Variants in ZNF577 observed in about 807,000 individuals in gnomAD.
ZNF577 encodes zinc finger protein 577.
In ZNF577, 14 loss-of-function variants were observed where a neutral mutation model predicts 13.9. That is an observed-to-expected ratio of 1.00 (90% CI 0.66 to 1.57). The LOEUF is 1.57. ZNF577 is among the 40% of genes most tolerant of loss of function. The pLI, the probability that ZNF577 is intolerant of heterozygous loss-of-function variation, is 0.00. For synonymous variants in ZNF577, 203 were observed against 202.9 expected (o/e 1.00, Z 0.00); for missense variants, 555 against 579.2 (o/e 0.96, Z 0.43).
At chr19:51,874,483 G>A (rs2122671860) in intron 5 of ZNF577, among the ~76,000 whole-genome samples, 1 of 136,490 alleles carries the variant, frequency 7.3e-6, no homozygotes. Context: ...AAACTTAGGT[G>A]TGATAAAAAA....
Position 51,824,116 on chromosome 19 carries a change from G to T in ZNF577, c.*600-12442C>A, listed in dbSNP as rs779342164. Reference sequence around the variant, plus strand: ...CTGATCACCATCATTGCTCTGGACCGCTGTATTTGTGTCCTGCATCCAGCC... The same window carrying T: ...CTGATCACCATCATTGCTCTGGACCTCTGTATTTGTGTCCTGCATCCAGCC... On this transcript the variant is annotated intron_variant and NMD_transcript_variant, in intron 9 of 10. Coordinates refer to the ZNF577 transcript ENST00000638827. The surrounding 1 kb of genome is among the most constrained non-coding windows in gnomAD (Gnocchi z 4.7). 1 of 1,613,714 alleles carries T rather than the reference G, an allele frequency of 6.2e-7. No homozygotes were observed. Among genetic ancestry groups the T allele is most frequent in the African/African-American group, 1.3e-5 (1 of 74,880 alleles).
chr19:51,873,770 C>A, intron 5 of ZNF577, 64 bp from the exon 6 acceptor site: 1 of 1,244,896 alleles, frequency 8.0e-7, no homozygotes, highest in Non-Finnish European at 1.1e-6. Context: ...ATTAAAGGAA[C>A]AATGCTCTTA....
chr19:51,874,510 A>C (rs895458717), intron 5 of ZNF577, among the ~76,000 whole-genome samples: 1 of 152,006 alleles, frequency 6.6e-6, no homozygotes, highest in African/African-American at 2.4e-5. Flanking sequence ...ATGTAAGAGA[A>C]GCTGGTTTAC....
chr19:51,842,520 A>G (rs747955915), intron 8 of ZNF577, among the ~76,000 whole-genome samples: 38 of 152,190 alleles, frequency 2.5e-4, no homozygotes, highest in Non-Finnish European at 5.0e-4. Context: ...CTCAGCAGAT[A>G]CCAGATACTG....
At chr19:51,879,520 G>A (rs2084826559) in intron 3 of ZNF577, among the ~76,000 whole-genome samples, 1 of 152,128 alleles carries the variant, frequency 6.6e-6, no homozygotes, top group Non-Finnish European at 1.5e-5. Context: ...AGTGAGCCAA[G>A]ATTGCGCCAC....
chr19:51,824,667 C>A lies in ZNF577; in HGVS notation c.*600-12993G>T, dbSNP rs779906302. ...CCCAATTCTCTACGTCTTTATGGGT[C>A]GTAACTTCCAAGAAAGACTGATTCG... is the stretch of plus-strand genomic sequence containing the variant. On this transcript the variant is annotated intron_variant and NMD_transcript_variant, in intron 9 of 10. Transcript: ENST00000638827. This position sits in a 1 kb window ranked among gnomAD's most constrained non-coding sequence, Gnocchi z 4.7. 2.5e-5 allele frequency: 41 copies of A among 1,613,978 alleles called. No homozygotes were observed. The South Asian group carries it at 4.2e-4, about 16-fold the overall frequency.
chr19:51,858,360 C>T (rs539080085), intron 5 of ZNF577, among the ~76,000 whole-genome samples: 1 of 152,296 alleles, frequency 6.6e-6, no homozygotes, highest in East Asian at 1.9e-4. Context: ...TTCAGCCATT[C>T]CATACTACTT....
intron 9 of ZNF577, among the ~76,000 whole-genome samples, chr19:51,828,746 C>G (rs1323202785): frequency 6.6e-6 from 1 of 152,082 alleles, no homozygotes; most frequent in Admixed American, 6.6e-5. Context: ...CCTGGTCGGT[C>G]TGGGACAGCA....
rs1186304525 is a variant in ZNF577, at chr19:51,852,059, A to G, written c.284-7128T>C. Among the ~76,000 whole-genome samples, 4 of 152,324 alleles carry G rather than the reference A, an allele frequency of 2.6e-5. No homozygotes were observed. In the South Asian group the frequency reaches 6.2e-4, roughly 24 times the overall value. ...CTGCCATGAAAGTATAAGGCTTCCT[A>G]CACTGCACATCCGCTTCCACCCACT... On this transcript the variant is annotated intron_variant and NMD_transcript_variant, in intron 5 of 10. Coordinates refer to the ZNF577 transcript ENST00000638827.
At chr19:51,859,788 A>G (rs1005691242) in intron 5 of ZNF577, among the ~76,000 whole-genome samples, 3 of 152,152 alleles carry the variant, frequency 2.0e-5, no homozygotes, top group Non-Finnish European at 2.9e-5. Flanking sequence ...TTTGCACTAC[A>G]TTGAATTATT....
rs949520830 is a variant in ZNF577 at position 51,870,353 on chromosome 19, C to T, written c.*2179G>A. Among the ~76,000 whole-genome samples, 3 of 152,040 alleles carry T rather than the reference C, an allele frequency of 2.0e-5. No homozygotes were observed. The highest frequency in any genetic ancestry group is 4.4e-5 in the Non-Finnish European group (3 of 68,014). ...GATTGCTTTCTATTTCTTTATTAGTCTCTGTTTGGAAAATTGCTAACTTAC... is the reference window on the plus strand; with the variant it reads ...GATTGCTTTCTATTTCTTTATTAGTTTCTGTTTGGAAAATTGCTAACTTAC... On this transcript the variant is annotated 3_prime_UTR_variant, in exon 6 of 6. Coordinates refer to ENST00000638348, the MANE Select transcript of ZNF577 (RefSeq NM_001370449.1).
intron 10 of ZNF577, among the ~76,000 whole-genome samples, chr19:51,805,484 A>G (rs1175505486): frequency 6.6e-6 from 1 of 152,196 alleles, no homozygotes; most frequent in African/African-American, 2.4e-5. Flanking sequence ...CTCCTTGCAA[A>G]TGGGCTTTCA....
chr19:51,825,767 T>C (rs2084228200), intron 9 of ZNF577: 1 of 167,076 alleles, frequency 6.0e-6, no homozygotes, highest in Non-Finnish European at 1.5e-5. Flanking sequence ...AAGTAGATAA[T>C]GAGGCCACTG....
At position 51,824,154 on chromosome 19, in the gene ZNF577, C is replaced by G. The variant is rs776823333; in HGVS notation, c.*600-12480G>C. On this transcript the variant is annotated intron_variant and NMD_transcript_variant, in intron 9 of 10. Coordinates refer to the ZNF577 transcript ENST00000638827. This position sits in a 1 kb window ranked among gnomAD's most constrained non-coding sequence, Gnocchi z 4.7. ...CCTGCATCCAGCCTGGGCCCAGAAC[C>G]ATCGCACCATGAGTCTGGCCAAGAG... The G allele has an allele frequency of 3.7e-6, 6 of 1,613,918 alleles. No individual in the cohort carries two copies. The South Asian group carries it at 6.6e-5, about 18-fold the overall frequency.
At chr19:51,852,501 C>G (rs1465747207) in intron 5 of ZNF577, among the ~76,000 whole-genome samples, 1 of 152,194 alleles carries the variant, frequency 6.6e-6, no homozygotes, top group Non-Finnish European at 1.5e-5. Flanking sequence ...CTGTTGAAAT[C>G]TTGTCCATTT....
chr19:51,828,645 AT>A (rs935710777), intron 9 of ZNF577, among the ~76,000 whole-genome samples: 43 of 150,598 alleles, frequency 2.9e-4, no homozygotes, highest in South Asian at 1.5e-3. Context: ...GGAAACTGAG[AT>A]TTTTTTTTTA....
chr19:51,857,365 G>GGAAAGAAAAAGAAA (rs2084437470), intron 5 of ZNF577, among the ~76,000 whole-genome samples: 1 of 93,296 alleles, frequency 1.1e-5, no homozygotes, highest in Admixed American at 1.2e-4. Flanking sequence ...AAAGAAGGAA[G>GGAAAGAAAAAGAAA]GAAAGAAAGA....
chr19:51,822,059 C>G (rs1444118505), intron 9 of ZNF577, among the ~76,000 whole-genome samples: 1 of 152,184 alleles, frequency 6.6e-6, no homozygotes, highest in East Asian at 1.9e-4. Context: ...GCCCACAGAC[C>G]ACAGTATAAG....
downstream of ZNF577, among the ~76,000 whole-genome samples, chr19:51,863,691 CA>C (rs1256557647): frequency 6.6e-6 from 1 of 152,096 alleles, no homozygotes; most frequent in African/African-American, 2.4e-5. Flanking sequence ...CATTTGGAGA[CA>C]AGCATTTTCA....
Sources: allele counts gnomAD v4.1 joint callset (sites outside exome capture counted in the v4.1 genomes callset), GRCh38; gene constraint gnomAD v4.1.1; non-coding constraint Gnocchi (gnomAD v3.1); transcripts MANE v1.5; gene names NCBI Gene and HGNC (gene_info 2026-07-23, HGNC 2026-07-21).